The following SLCO5A1 variants were observed in gnomAD, a reference collection of about 807,000 sequenced individuals.
SLCO5A1 encodes the protein solute carrier organic anion transporter family member 5A1.
In SLCO5A1, 39 loss-of-function variants were observed where a neutral mutation model predicts 65.1. The observed-to-expected ratio is 0.60, with a 90% CI of 0.46 to 0.78. The LOEUF (loss-of-function observed/expected upper bound fraction) is 0.78, where lower values mean the gene tolerates loss of function less well. Among genes scored for constraint, SLCO5A1 ranks in the 30% least tolerant of loss-of-function variants. The pLI, the probability that SLCO5A1 is intolerant of heterozygous loss-of-function variation, is 0.00. For missense variants in SLCO5A1, 1,029 were observed against 1,069.4 expected, an observed-to-expected ratio of 0.96 and a Z score of 0.53; for synonymous variants, 438 against 415.7, an observed-to-expected ratio of 1.05 and a Z score of -0.65.
In SLCO5A1 at chr8:69,832,732, C is replaced by A; in HGVS notation, c.-59G>T. On this transcript the variant is annotated 5_prime_UTR_variant, in exon 2 of 10. Coordinates refer to ENST00000260126, the MANE Select transcript of SLCO5A1 (RefSeq NM_030958.3). This position sits in a 1 kb window ranked among gnomAD's most constrained non-coding sequence, Gnocchi z 4.5. Reference sequence around the variant, plus strand: ...ACCCAAGCACTCCGGCACGTTTCATCCACCGGCACGAGGGGCCGAAGCCGG... The same window carrying A: ...ACCCAAGCACTCCGGCACGTTTCATACACCGGCACGAGGGGCCGAAGCCGG... The A allele has an allele frequency of 2.0e-6, 3 of 1,523,272 alleles. No individual in the cohort carries two copies. Among genetic ancestry groups the A allele is most frequent in the Admixed American group, 2.0e-5 (1 of 49,922 alleles). The allele number at this position is 1,523,272 out of a possible 1,614,324, so 94.4% of individuals were successfully genotyped here. A position where few individuals can be genotyped will look rare whatever the true frequency, so the allele number is the denominator to read the frequency against.
chr8:69,763,125 C>T (rs1312124733), intron 2 of SLCO5A1, among the ~76,000 whole-genome samples: 1 of 152,160 alleles, frequency 6.6e-6, no homozygotes, highest in East Asian at 1.9e-4. Flanking sequence ...GCCTGGCCAA[C>T]ATGGTGAAAC....
intron 2 of SLCO5A1, among the ~76,000 whole-genome samples, chr8:69,814,871 A>T (rs1415569109): frequency 6.6e-6 from 1 of 152,236 alleles, no homozygotes; most frequent in East Asian, 1.9e-4. Flanking sequence ...GTGTTAGAGA[A>T]CATTATGCTA....
intron 4 of SLCO5A1, 123 bp downstream of exon 4, chr8:69,755,301 T>TA (rs1482262963): frequency 3.2e-6 from 2 of 624,316 alleles, no homozygotes; most frequent in Admixed American, 7.1e-5. Flanking sequence ...TTGCAACACT[T>TA]ACTCTCAATC....
chr8:69,772,828 CTG>C (rs1300169470), intron 2 of SLCO5A1: 1 of 617,888 alleles, frequency 1.6e-6, no homozygotes, highest in African/African-American at 2.0e-5. Flanking sequence ...TCCATGCACT[CTG>C]TGATGCAAGG....
intron 6 of SLCO5A1, among the ~76,000 whole-genome samples, chr8:69,698,797 T>C (rs1368263322): frequency 6.6e-6 from 1 of 152,220 alleles, no homozygotes; most frequent in Non-Finnish European, 1.5e-5. Flanking sequence ...GGCTCAGAAA[T>C]ACTTTCTTCC....
chr8:69,760,145 T>C (rs1817704755), intron 3 of SLCO5A1, among the ~76,000 whole-genome samples: 1 of 152,194 alleles, frequency 6.6e-6, no homozygotes, highest in Non-Finnish European at 1.5e-5. Context: ...ACAGAACATA[T>C]GCTGGATGTT....
chr8:69,688,880 A>G (rs977578197), intron 6 of SLCO5A1, among the ~76,000 whole-genome samples: 13 of 152,162 alleles, frequency 8.5e-5, no homozygotes, highest in Non-Finnish European at 1.3e-4. Flanking sequence ...GTCTAATGGT[A>G]TTTCTAGTTC....
chr8:69,672,941 G>C lies in SLCO5A1; in HGVS notation c.2475C>G (p.Phe825Leu). ...CCGCAGAGGAACTTATTGCTTCTGG[G>C]AAGGGCCCCGGGTAGGTCTGTGCTG... The part of the protein sequence containing the change: ...QCAAQTYPGP[F>L]PEAISSSADP... Residue 825 changes from phenylalanine to leucine, a missense_variant, in exon 10 of 10, where the codon TTC (phenylalanine) becomes TTG (leucine). This residue lies in a region of SLCO5A1 where 258 missense variants were observed against 237.4 expected (regional missense o/e 1.09). Transcript: ENST00000260126. 1 of 1,614,232 alleles carries C rather than the reference G, an allele frequency of 6.2e-7. No homozygotes were observed. Among genetic ancestry groups the C allele is most frequent in the Non-Finnish European group, 8.5e-7 (1 of 1,180,044 alleles).
chr8:69,765,533 T>C (rs557266215), intron 2 of SLCO5A1, among the ~76,000 whole-genome samples: 23 of 152,224 alleles, frequency 1.5e-4, no homozygotes, highest in Non-Finnish European at 3.4e-4. Flanking sequence ...GCACTAACAT[T>C]AGTGGATTAA....
intron 8 of SLCO5A1, among the ~76,000 whole-genome samples, chr8:69,678,270 G>T (rs980588564): frequency 4.6e-5 from 7 of 151,972 alleles, no homozygotes; most frequent in Non-Finnish European, 8.8e-5. Flanking sequence ...GTTTTATTGG[G>T]GGTCTGAAAA....
intron 5 of SLCO5A1, among the ~76,000 whole-genome samples, chr8:69,721,385 G>A (rs943575626): frequency 2.0e-5 from 3 of 152,104 alleles, no homozygotes; most frequent in Non-Finnish European, 2.9e-5. Context: ...TAACACAAGA[G>A]CCCAGAGATC....
intron 5 of SLCO5A1, among the ~76,000 whole-genome samples, chr8:69,732,521 C>T (rs559135530): frequency 1.3e-5 from 2 of 152,090 alleles, no homozygotes; most frequent in Non-Finnish European, 2.9e-5. Context: ...AAAAATAAAT[C>T]GAAATGATGA....
At chr8:69,823,383 C>T (rs1276278321) in intron 2 of SLCO5A1, among the ~76,000 whole-genome samples, 2 of 152,092 alleles carry the variant, frequency 1.3e-5, no homozygotes, top group African/African-American at 2.4e-5. Context: ...ACCCATCTCA[C>T]GTGCAGAGAC....
At chr8:69,822,200 C>T (rs1175696108) in intron 2 of SLCO5A1, among the ~76,000 whole-genome samples, 1 of 152,120 alleles carries the variant, frequency 6.6e-6, no homozygotes, top group African/African-American at 2.4e-5. Flanking sequence ...GTCCTGAGGC[C>T]TGTCCTTGTT....
intron 2 of SLCO5A1, among the ~76,000 whole-genome samples, chr8:69,808,135 C>T (rs540792822): frequency 3.9e-4 from 59 of 150,924 alleles, no homozygotes; most frequent in Non-Finnish European, 6.2e-4. Context: ...AATAGATGTG[C>T]GAGGTTTCTT....
At chr8:69,693,852 C>T (rs930844082) in intron 6 of SLCO5A1, among the ~76,000 whole-genome samples, 2 of 152,200 alleles carry the variant, frequency 1.3e-5, no homozygotes, top group Non-Finnish European at 2.9e-5. Context: ...TCAATCCTCA[C>T]ATCAATCCGA....
At position 69,806,483 on chromosome 8, in the gene SLCO5A1, T is replaced by C. The variant is rs528049890; in HGVS notation, c.907+25284A>G. On this transcript the variant is annotated intron_variant, in intron 2 of 9. Transcript: ENST00000260126. ...CTGAATGAAAGTACACTGTAGCCATTGATCTTGTTACATCTTATCTCCACG... is the reference window on the plus strand; with the variant it reads ...CTGAATGAAAGTACACTGTAGCCATCGATCTTGTTACATCTTATCTCCACG... Among the ~76,000 whole-genome samples, 4 of 152,338 alleles carry C rather than the reference T, an allele frequency of 2.6e-5. No individual in the cohort carries two copies. In the South Asian group the frequency reaches 8.3e-4, roughly 32 times the overall value.
Position 69,774,821 on chromosome 8 carries a change from A to G in SLCO5A1, c.908-12946T>C, listed in dbSNP as rs1818492814. 3.3e-5 allele frequency among the ~76,000 whole-genome samples: 5 copies of G among 152,212 alleles called. No individual in the cohort carries two copies. In the South Asian group the frequency reaches 8.3e-4, roughly 25 times the overall value. On this transcript the variant is annotated intron_variant, in intron 2 of 9. Coordinates refer to ENST00000260126, the MANE Select transcript of SLCO5A1 (RefSeq NM_030958.3). ...CACAGCACTGCAGATAACAGAGGAC[A>G]TGAAGAACAATCCACGTCGCCATGA...
intron 2 of SLCO5A1, among the ~76,000 whole-genome samples, chr8:69,819,349 C>T (rs1337831194): frequency 6.6e-6 from 1 of 151,814 alleles, no homozygotes; most frequent in Non-Finnish European, 1.5e-5. Flanking sequence ...CCCTACTCCA[C>T]ATGGGAGACC....
Sources: allele counts gnomAD v4.1 joint callset (sites outside exome capture counted in the v4.1 genomes callset), GRCh38; gene constraint gnomAD v4.1.1; regional missense constraint gnomAD v4.1.1; non-coding constraint Gnocchi (gnomAD v3.1); transcripts MANE v1.5; gene names NCBI Gene and HGNC (gene_info 2026-07-23, HGNC 2026-07-21).